UQCRC1: variants seen among roughly 807,000 people sequenced by gnomAD.
The protein encoded by UQCRC1 is ubiquinol-cytochrome c reductase core protein 1, also known as cytochrome b-c1 complex subunit 1, mitochondrial.
A neutral mutation model predicts 58.0 loss-of-function variants in UQCRC1; 34 were observed. That is an observed-to-expected ratio of 0.59 (90% confidence interval 0.45 to 0.78). UQCRC1 has a LOEUF of 0.78. Among genes scored for constraint, UQCRC1 ranks in the 30% least tolerant of loss-of-function variants. The probability of loss-of-function intolerance (pLI) is 0.00; values close to 1 mark genes in which losing one functional copy is unlikely to be tolerated. For synonymous variants in UQCRC1, 276 were observed against 248.8 expected, an observed-to-expected ratio of 1.11 and a Z score of -1.03; for missense variants, 610 against 646.0, an observed-to-expected ratio of 0.94 and a Z score of 0.60.
intron 2 of UQCRC1, among the ~76,000 whole-genome samples, chr3:48,607,905 ATC>A (rs2046429046): frequency 1.3e-5 from 2 of 152,032 alleles, no homozygotes; most frequent in Admixed American, 1.3e-4. Flanking sequence ...GCTCACTGCA[ATC>A]TCTGCCTCCC....
Position 48,604,095 on chromosome 3 carries a change from T to C in UQCRC1, c.626+138A>G, listed in dbSNP as rs1299523711. ...ATTAAAAAAGACTCACTGGACCACATGGATACAGAAACTGTCTCCAGTTGC... is the reference window on the plus strand; with the variant it reads ...ATTAAAAAAGACTCACTGGACCACACGGATACAGAAACTGTCTCCAGTTGC... On this transcript the variant is annotated intron_variant, in intron 5 of 12. Transcript: ENST00000203407. The C allele has an allele frequency of 5.4e-6, 5 of 923,108 alleles. No homozygotes were observed. The Admixed American group carries it at 6.6e-5, about 12-fold the overall frequency. The allele number at this position is 923,108 out of a possible 1,614,324, so 57.2% of individuals were successfully genotyped here. A position where few individuals can be genotyped will look rare whatever the true frequency, so the allele number is the denominator to read the frequency against.
chr3:48,608,889 C>T (rs2046436830), intron 2 of UQCRC1, among the ~76,000 whole-genome samples: 2 of 152,196 alleles, frequency 1.3e-5, no homozygotes, highest in Non-Finnish European at 2.9e-5. Flanking sequence ...GATCACTTCC[C>T]TTATATGGGC....
intron 6 of UQCRC1, among the ~76,000 whole-genome samples, chr3:48,603,064 A>AT (rs1379317141): frequency 6.6e-6 from 1 of 152,058 alleles, no homozygotes; most frequent in Non-Finnish European, 1.5e-5. Context: ...CCCCACCTAA[A>AT]TAACACTCAC....
rs2046357479 is a variant in UQCRC1 at position 48,600,804 on chromosome 3, T to C, written c.1003A>G (p.Asn335Asp). 1 of 1,614,112 alleles carries C rather than the reference T, an allele frequency of 6.2e-7. No homozygotes were observed. The highest frequency in any genetic ancestry group is 8.5e-7 in the Non-Finnish European group (1 of 1,180,034). Reference sequence around the variant, plus strand: ...GTCTGGAAACTCTGGCATAGCTTGTTGGCCACAGCACCTGAAGCCAGTGGG... The same window carrying C: ...GTCTGGAAACTCTGGCATAGCTTGTCGGCCACAGCACCTGAAGCCAGTGGG... The part of the protein sequence containing the change: ...SSPLASGAVA[N>D]KLCQSFQTFS... Residue 335 changes from asparagine (N) to aspartate (D), a missense_variant, in exon 9 of 13, where the codon AAC (asparagine) becomes GAC (aspartate). Asn to Asp is a conservative substitution (Grantham distance 23, BLOSUM62 1). Coordinates refer to ENST00000203407, the MANE Select transcript of UQCRC1 (RefSeq NM_003365.3).
Position 48,599,095 on chromosome 3 carries a change from G to C in UQCRC1, c.*33C>G. ...TGGTGGGGGGGGGACCACAAACCCCGGCCCTGCCCTCTTGCTTACATAGGC... is the reference window on the plus strand; with the variant it reads ...TGGTGGGGGGGGGACCACAAACCCCCGCCCTGCCCTCTTGCTTACATAGGC... On this transcript the variant is annotated 3_prime_UTR_variant, in exon 13 of 13. Coordinates refer to ENST00000203407, the MANE Select transcript of UQCRC1 (RefSeq NM_003365.3). 1.2e-6 allele frequency: 2 copies of C among 1,610,172 alleles called. No individual in the cohort carries two copies. Among genetic ancestry groups the C allele is most frequent in the Non-Finnish European group, 1.7e-6 (2 of 1,177,890 alleles).
chr3:48,603,479 C>T (rs561260481), intron 6 of UQCRC1, 85 bp downstream of exon 6: 3 of 1,372,022 alleles, frequency 2.2e-6, no homozygotes, highest in South Asian at 2.4e-5. Flanking sequence ...GGTGAAAGGT[C>T]CCCTATGGTG....
At position 48,600,876 on chromosome 3, in the gene UQCRC1, T is replaced by C. The variant is rs746144966; in HGVS notation, c.967-36A>G. Reference sequence around the variant, plus strand: ...GATAGGTGGTCAGCACCCACCCTCTTGTCTTCAACGCACACTGTGACCCCC... The same window carrying C: ...GATAGGTGGTCAGCACCCACCCTCTCGTCTTCAACGCACACTGTGACCCCC... On this transcript the variant is annotated intron_variant, in intron 8 of 12. Coordinates refer to ENST00000203407, the MANE Select transcript of UQCRC1 (RefSeq NM_003365.3). The C allele has an allele frequency of 4.3e-6, 7 of 1,612,892 alleles. No individual in the cohort carries two copies. In the East Asian group the frequency reaches 1.6e-4, roughly 36 times the overall value.
chr3:48,600,778 G>C lies in UQCRC1; in HGVS notation c.1029C>G (p.Thr343=), dbSNP rs1483771213. The C allele has an allele frequency of 6.2e-7, 1 of 1,614,138 alleles. No individual in the cohort carries two copies. The highest frequency in any genetic ancestry group is 8.5e-7 in the Non-Finnish European group (1 of 1,180,050). Residue 343 remains threonine (T), a synonymous_variant, in exon 9 of 13, where the codon ACC becomes ACG. Transcript: ENST00000203407. The part of the protein sequence containing the change: ...VANKLCQSFQ[T]FSICYAETGL... The stretch of plus-strand genomic sequence containing the variant: ...CCGTCTCTGCATAGCAGATGCTGAA[G>C]GTCTGGAAACTCTGGCATAGCTTGT...
chr3:48,605,850 C>G lies in UQCRC1; in HGVS notation c.217G>C (p.Val73Leu), dbSNP rs1156529839. 5 of 1,613,760 alleles carry G rather than the reference C, an allele frequency of 3.1e-6. No homozygotes were observed. Among genetic ancestry groups the G allele is most frequent in the Non-Finnish European group, 4.2e-6 (5 of 1,179,916 alleles). ...AAACGGCTGCCAACATCAATCCACACTCCCACCTGGTCAAGAAGCCACCAG... is the reference window on the plus strand; with the variant it reads ...AAACGGCTGCCAACATCAATCCACAGTCCCACCTGGTCAAGAAGCCACCAG... The part of the protein sequence containing the change: ...QSSQPTCTVG[V>L]WIDVGSRFET... Residue 73 changes from valine (V) to leucine (L), a missense_variant, in exon 3 of 13, where the codon GTG (valine) becomes CTG (leucine). By Grantham distance (32) the Val-to-Leu change is conservative. Coordinates refer to ENST00000203407, the MANE Select transcript of UQCRC1 (RefSeq NM_003365.3).
Position 48,603,774 on chromosome 3 carries a change from C to G in UQCRC1, c.627-131G>C, listed in dbSNP as rs2267843. ...TCCGAAGAGTGGGCCCTAGCACACT[C>G]CCCAACCCCCTTCCCCTGTCTCTGC... On this transcript the variant is annotated intron_variant, in intron 5 of 12. Coordinates refer to ENST00000203407, the MANE Select transcript of UQCRC1 (RefSeq NM_003365.3). 637 of 836,748 alleles carry G rather than the reference C, an allele frequency of 7.6e-4. 7 individuals carry two copies. The East Asian group carries it at 0.017, about 22-fold the overall frequency. The allele number at this position is 836,748 out of a possible 1,614,324, so 51.8% of individuals were successfully genotyped here. A position where few individuals can be genotyped will look rare whatever the true frequency, so the allele number is the denominator to read the frequency against.
chr3:48,605,729 G>A, intron 3 of UQCRC1, 41 bp downstream of exon 3: 1 of 1,585,728 alleles, frequency 6.3e-7, no homozygotes, highest in Non-Finnish European at 8.6e-7. Flanking sequence ...GGGACAACAG[G>A]CAGCCCTAAG....
intron 2 of UQCRC1, among the ~76,000 whole-genome samples, chr3:48,607,467 G>A (rs1461630516): frequency 3.3e-5 from 5 of 152,030 alleles, no homozygotes; most frequent in East Asian, 3.9e-4. Flanking sequence ...GAGCCACTGC[G>A]CCCAGCCAAG....
At chr3:48,601,165 G>T (rs745400286) in intron 7 of UQCRC1, 47 bp from the exon 8 acceptor site, 4 of 1,572,398 alleles carry the variant, frequency 2.5e-6, no homozygotes, top group Non-Finnish European at 3.5e-6. Context: ...ACTGCCAGGG[G>T]AACAGAAAAG....
At chr3:48,605,240 G>A (rs1431520341) in intron 3 of UQCRC1, among the ~76,000 whole-genome samples, 1 of 152,182 alleles carries the variant, frequency 6.6e-6, no homozygotes, top group Non-Finnish European at 1.5e-5. Flanking sequence ...CCTGTGTGTG[G>A]AGAACAGTGG....
At chr3:48,603,159 C>A (rs1051385725) in intron 6 of UQCRC1, among the ~76,000 whole-genome samples, 1 of 152,194 alleles carries the variant, frequency 6.6e-6, no homozygotes, top group Non-Finnish European at 1.5e-5. Context: ...GTGAAATCTT[C>A]CCCACCCTTC....
intron 1 of UQCRC1, 82 bp from the exon 2 acceptor site, chr3:48,609,384 C>T: frequency 6.5e-7 from 1 of 1,539,422 alleles, no homozygotes; most frequent in Non-Finnish European, 8.8e-7. Flanking sequence ...GACCCCCGAA[C>T]CCCGCCCCTA....
At chr3:48,602,245 G>A (rs1446133945) in intron 6 of UQCRC1, among the ~76,000 whole-genome samples, 1 of 151,952 alleles carries the variant, frequency 6.6e-6, no homozygotes, top group Non-Finnish European at 1.5e-5. Flanking sequence ...TAGAGACGGG[G>A]TTTCACTGTG....
intron 2 of UQCRC1, among the ~76,000 whole-genome samples, chr3:48,606,929 G>A (rs377577664): frequency 4.6e-5 from 7 of 151,494 alleles, no homozygotes; most frequent in South Asian, 4.2e-4. Context: ...GTGTGATGTC[G>A]GCTCACTCAA....
chr3:48,600,165 A>T lies in UQCRC1; in HGVS notation c.1214-14T>A. ...CAGGAGTAGTGCCTTTAAGGGTGAG[A>T]GAAGGCTCAGAGGTCCACCCAGCCC... is the stretch of plus-strand genomic sequence containing the variant. On this transcript the variant is annotated splice_polypyrimidine_tract_variant and intron_variant, in intron 10 of 12. Transcript: ENST00000203407. The T allele has an allele frequency of 6.2e-7, 1 of 1,613,728 alleles. No individual in the cohort carries two copies.
Sources: gnomAD v4.1 joint callset for allele counts (sites outside exome capture counted in the v4.1 genomes callset) on GRCh38, gnomAD v4.1.1 for gene constraint, MANE v1.5 for transcripts, NCBI Gene and HGNC (gene_info 2026-07-23, HGNC 2026-07-21) for gene names.